Variants in NR5A2 observed in about 807,000 individuals in gnomAD.
The protein encoded by NR5A2 is CYP7A promoter-binding factor.
A neutral mutation model predicts 62.7 loss-of-function variants in NR5A2; 26 were observed. That is an observed-to-expected ratio of 0.41 (90% CI 0.30 to 0.58). The LOEUF is 0.58. Ranked by LOEUF, NR5A2 falls within the 20% of genes least tolerant of loss-of-function variation. The pLI is 0.22. For missense variants in NR5A2, 541 were observed against 669.1 expected, an observed-to-expected ratio of 0.81 and a Z score of 2.11; for synonymous variants, 246 against 241.7, an observed-to-expected ratio of 1.02 and a Z score of -0.16.
intron 5 of NR5A2, among the ~76,000 whole-genome samples, chr1:200,050,174 T>TG (rs1201010329): frequency 6.6e-6 from 1 of 152,236 alleles, no homozygotes; most frequent in Non-Finnish European, 1.5e-5. Context: ...AACCACTCTA[T>TG]GATAATCAGA....
chr1:200,157,753 A>G (rs1653455116), intron 7 of NR5A2, among the ~76,000 whole-genome samples: 1 of 152,208 alleles, frequency 6.6e-6, no homozygotes, highest in Non-Finnish European at 1.5e-5. Flanking sequence ...CCCTTCCCTT[A>G]TAGTTCTCAA....
chr1:200,150,041 AATGGATGG>A (rs3838435), intron 7 of NR5A2, among the ~76,000 whole-genome samples: 5 of 151,990 alleles, frequency 3.3e-5, no homozygotes, highest in Non-Finnish European at 7.4e-5. Context: ...AGCAGCATAT[AATGGATGG>A]ATGGATGGAT....
At chr1:200,047,440 C>T (rs1161482434) in intron 4 of NR5A2, among the ~76,000 whole-genome samples, 2 of 152,104 alleles carry the variant, frequency 1.3e-5, no homozygotes, top group Non-Finnish European at 2.9e-5. Context: ...CAATTTAATC[C>T]AAAATTGGGT....
At chr1:200,111,984 A>G (rs1665975125) in intron 6 of NR5A2, among the ~76,000 whole-genome samples, 1 of 152,112 alleles carries the variant, frequency 6.6e-6, no homozygotes, top group Admixed American at 6.5e-5. Context: ...GCCCCTGCGG[A>G]ACTTAATGTT....
Position 200,039,013 on chromosome 1 carries a change from C to A in NR5A2, c.65-645C>A, listed in dbSNP as rs558188946. On this transcript the variant is annotated intron_variant, in intron 1 of 7. Coordinates refer to ENST00000367362, the MANE Select transcript of NR5A2 (RefSeq NM_205860.3). This position sits in a 1 kb window ranked among gnomAD's most constrained non-coding sequence, Gnocchi z 5.1. Reference sequence around the variant, plus strand: ...TACCTCCTTCTCCCCCTCGTCTTCCCCCCTGTCCTTCCCAGCACCGTCACC... The same window carrying A: ...TACCTCCTTCTCCCCCTCGTCTTCCACCCTGTCCTTCCCAGCACCGTCACC... Among the ~76,000 whole-genome samples, 1 of 152,010 alleles carries A rather than the reference C, an allele frequency of 6.6e-6. No homozygotes were observed. The highest frequency in any genetic ancestry group is 2.4e-5 in the African/African-American group (1 of 41,400).
chr1:200,111,245 T>G lies in NR5A2; in HGVS notation c.1154T>G (p.Leu385Arg). Reference sequence around the variant, plus strand: ...CTGCTTCAGAACTGCTGGAGTGAGCTCTTAATCCTCGACCACATTTACCGA... The same window carrying G: ...CTGCTTCAGAACTGCTGGAGTGAGCGCTTAATCCTCGACCACATTTACCGA... ...MKLLQNCWSE[L>R]LILDHIYRQV... The change falls in exon 6 of 8, where the codon CTC (leucine) becomes CGC (arginine). Residue 385 changes from leucine (L) to arginine (R), a missense_variant. Around this residue, in one of 3 missense-constraint regions of NR5A2, gnomAD observed 379 missense variants for 442.0 expected, o/e 0.86. Coordinates refer to ENST00000367362, the MANE Select transcript of NR5A2 (RefSeq NM_205860.3). The G allele has an allele frequency of 6.2e-7, 1 of 1,613,530 alleles. No homozygotes were observed. The highest frequency in any genetic ancestry group is 8.5e-7 in the Non-Finnish European group (1 of 1,179,846).
At chr1:200,050,015 CTG>C (rs1662552217) in intron 5 of NR5A2, among the ~76,000 whole-genome samples, 1 of 152,312 alleles carries the variant, frequency 6.6e-6, no homozygotes, top group African/African-American at 2.4e-5. Context: ...GCTGTTAAGA[CTG>C]TGGACACATC....
chr1:200,065,277 G>A (rs2102204078), intron 5 of NR5A2, among the ~76,000 whole-genome samples: 1 of 152,012 alleles, frequency 6.6e-6, no homozygotes, highest in South Asian at 2.1e-4. Context: ...CTGAGAAGCT[G>A]GCACTACAGG....
At chr1:200,067,066 A>C (rs1663516654) in intron 5 of NR5A2, among the ~76,000 whole-genome samples, 1 of 152,196 alleles carries the variant, frequency 6.6e-6, no homozygotes, top group South Asian at 2.1e-4. Context: ...AAAACCTAAA[A>C]AATTTAGACA....
chr1:200,094,226 C>G (rs946882499), intron 5 of NR5A2, among the ~76,000 whole-genome samples: 25 of 150,610 alleles, frequency 1.7e-4, no homozygotes, highest in Non-Finnish European at 3.5e-4. Flanking sequence ...GATCTGTTGC[C>G]CAGGCTGGAG....
chr1:200,111,336 CAAAAA>C lies in NR5A2; in HGVS notation c.1230+26_1230+30del. 24 of 1,406,192 alleles carry C rather than the reference CAAAAA, an allele frequency of 1.7e-5. No homozygotes were observed. Among genetic ancestry groups the C allele is most frequent in the South Asian group, 7.0e-5 (5 of 71,394 alleles). 87.1% of individuals were successfully genotyped at this position (1,406,192 alleles called of 1,614,324 possible). ...CTGGGCAACAAGTGAGTGTAGAGAC[CAAAAA>C]AAAAAAAAAAGCATCTTTTTATTAA... On this transcript the variant is annotated intron_variant, in intron 6 of 7. Coordinates refer to ENST00000367362, the MANE Select transcript of NR5A2 (RefSeq NM_205860.3).
chr1:200,149,884 G>A (rs902239965), intron 7 of NR5A2, among the ~76,000 whole-genome samples: 1 of 152,138 alleles, frequency 6.6e-6, no homozygotes, highest in African/African-American at 2.4e-5. Flanking sequence ...CTCACTAAAT[G>A]TTGCTTCTTT....
rs986468527 is a variant in NR5A2, at chr1:200,175,111, A to G, written c.*901A>G. On this transcript the variant is annotated 3_prime_UTR_variant, in exon 8 of 8. Coordinates refer to ENST00000367362, the MANE Select transcript of NR5A2 (RefSeq NM_205860.3). ...ATTTCTGGCAGGAAGTCTTGTTAGT[A>G]TACATCAGTCTTTTTCATCATCCAA... 1 of 152,670 alleles carries G rather than the reference A, an allele frequency of 6.6e-6. No individual in the cohort carries two copies. The highest frequency in any genetic ancestry group is 1.5e-5 in the Non-Finnish European group (1 of 68,042). The allele number at this position is 152,670 out of a possible 1,614,324, so 9.5% of individuals were successfully genotyped here. A position where few individuals can be genotyped will look rare whatever the true frequency, so the allele number is the denominator to read the frequency against.
At position 200,156,293 on chromosome 1, in the gene NR5A2, G is replaced by A. The variant is rs16846141; in HGVS notation, c.1379-17670G>A. On this transcript the variant is annotated intron_variant, in intron 7 of 7. Coordinates refer to ENST00000367362, the MANE Select transcript of NR5A2 (RefSeq NM_205860.3). ...AACCTGCATCCTCCCTCAGGGGAGAGGTCAGAGCAACTCAGAATATTATGA... is the reference window on the plus strand; with the variant it reads ...AACCTGCATCCTCCCTCAGGGGAGAAGTCAGAGCAACTCAGAATATTATGA... Among the ~76,000 whole-genome samples the A allele has an allele frequency of 9.9e-4, 151 of 152,330 alleles. 2 individuals are homozygous for A. The East Asian group carries it at 0.02, about 20-fold the overall frequency.
At chr1:200,172,882 G>A (rs1654245248) in intron 7 of NR5A2, among the ~76,000 whole-genome samples, 1 of 152,126 alleles carries the variant, frequency 6.6e-6, no homozygotes, top group Non-Finnish European at 1.5e-5. Flanking sequence ...TGTCCAATTA[G>A]AAAATAAAGC....
intron 7 of NR5A2, among the ~76,000 whole-genome samples, chr1:200,133,418 T>C (rs1413041193): frequency 6.6e-6 from 1 of 151,568 alleles, no homozygotes; most frequent in Non-Finnish European, 1.5e-5. Flanking sequence ...TTCTGCCTAA[T>C]CCCTCAGCAG....
intron 1 of NR5A2, among the ~76,000 whole-genome samples, chr1:200,032,932 C>G (rs1195012149): frequency 6.6e-6 from 1 of 152,198 alleles, no homozygotes; most frequent in Non-Finnish European, 1.5e-5. Flanking sequence ...TGCAGACTTT[C>G]CTCCAATGGA....
chr1:200,062,700 C>T (rs55927064), intron 5 of NR5A2, among the ~76,000 whole-genome samples: 1 of 152,122 alleles, frequency 6.6e-6, no homozygotes, highest in Non-Finnish European at 1.5e-5. Context: ...AAATGTAACT[C>T]GCAGAGCTGA....
At chr1:200,071,808 A>G (rs545039995) in intron 5 of NR5A2, among the ~76,000 whole-genome samples, 26 of 152,322 alleles carry the variant, frequency 1.7e-4, no homozygotes, top group African/African-American at 6.3e-4. Context: ...TGTGTTACTC[A>G]GTATTTCTCT....
Sources: gnomAD v4.1 joint callset for allele counts (sites outside exome capture counted in the v4.1 genomes callset) on GRCh38, gnomAD v4.1.1 for gene constraint, gnomAD v4.1.1 regional missense constraint, Gnocchi (gnomAD v3.1) non-coding constraint, MANE v1.5 for transcripts, NCBI Gene and HGNC (gene_info 2026-07-23, HGNC 2026-07-21) for gene names.